CDH4: variants seen among roughly 807,000 people sequenced by gnomAD.
The protein encoded by CDH4 is cadherin 4, also known as cadherin-4.
A neutral mutation model predicts 86.0 loss-of-function variants in CDH4; 33 were observed. The ratio of observed to expected loss-of-function variants is 0.38; its 90% confidence interval spans 0.29 to 0.51. The LOEUF (loss-of-function observed/expected upper bound fraction) is 0.51, where lower values mean the gene tolerates loss of function less well. Among genes scored for constraint, CDH4 ranks in the 20% least tolerant of loss-of-function variants. CDH4 has a pLI of 0.86. For synonymous variants in CDH4, 555 were observed against 549.4 expected (o/e 1.01, Z -0.14); for missense variants, 1,114 against 1,307.4 (o/e 0.85, Z 2.28).
At chr20:61,679,417 A>G (rs1315713272) in intron 2 of CDH4, among the ~76,000 whole-genome samples, 1 of 152,116 alleles carries the variant, frequency 6.6e-6, no homozygotes, top group South Asian at 2.1e-4. Flanking sequence ...ACTTTCATCA[A>G]GTTCCTGGGG....
chr20:61,524,402 C>T (rs1238440343), intron 2 of CDH4, among the ~76,000 whole-genome samples: 16 of 152,122 alleles, frequency 1.1e-4, no homozygotes, highest in Non-Finnish European at 2.1e-4. Flanking sequence ...GGGCTTGGGT[C>T]ATGATGCATG....
intron 2 of CDH4, among the ~76,000 whole-genome samples, chr20:61,624,921 G>A (rs982836793): frequency 6.6e-6 from 1 of 152,190 alleles, no homozygotes; most frequent in African/African-American, 2.4e-5. Flanking sequence ...CAGCATAGGA[G>A]GCCAGGAAAC....
At chr20:61,639,369 C>A (rs780657833) in intron 2 of CDH4, among the ~76,000 whole-genome samples, 1 of 152,212 alleles carries the variant, frequency 6.6e-6, no homozygotes, top group African/African-American at 2.4e-5. Context: ...CCTCTGCCAG[C>A]AGGGCGGCTC....
At chr20:61,885,546 T>G (rs1241402924) in intron 7 of CDH4, among the ~76,000 whole-genome samples, 1 of 152,238 alleles carries the variant, frequency 6.6e-6, no homozygotes, top group Non-Finnish European at 1.5e-5. Flanking sequence ...CAATGGACCC[T>G]TGGCTGTTCG....
At chr20:61,823,346 CGTT>C (rs1025558044) in intron 4 of CDH4, among the ~76,000 whole-genome samples, 2 of 3,392 alleles carry the variant, frequency 5.9e-4, no homozygotes, top group African/African-American at 1.3e-3. Context: ...GTGGTGATGG[CGTT>C]GGTGGTGATT....
chr20:61,336,194 A>G (rs2084616071), intron 2 of CDH4, among the ~76,000 whole-genome samples: 1 of 152,140 alleles, frequency 6.6e-6, no homozygotes, highest in South Asian at 2.1e-4. Context: ...AAACAGACCC[A>G]CTTGGCTGCT....
At chr20:61,291,242 T>C (rs1003326062) in intron 2 of CDH4, among the ~76,000 whole-genome samples, 3 of 152,192 alleles carry the variant, frequency 2.0e-5, no homozygotes, top group Non-Finnish European at 4.4e-5. Context: ...CCAGAAGCTG[T>C]GAGTGTCTTT....
rs2085772292 is a variant in CDH4, at chr20:61,510,566, G to A, written c.170-232997G>A. Among the ~76,000 whole-genome samples, 1 of 152,208 alleles carries A rather than the reference G, an allele frequency of 6.6e-6. No homozygotes were observed. Among genetic ancestry groups the A allele is most frequent in the Non-Finnish European group, 1.5e-5 (1 of 68,034 alleles). On this transcript the variant is annotated intron_variant, in intron 2 of 15. Coordinates refer to ENST00000614565, the MANE Select transcript of CDH4 (RefSeq NM_001794.5). The surrounding 1 kb of genome is among the most constrained non-coding windows in gnomAD (Gnocchi z 4.2). ...CCCAGGAATGGCCCACGGGTGTCGG[G>A]GGTGATGACCGACCTCAGGACTAGG...
rs2055248737 is a variant in CDH4 at position 61,940,321 on chromosome 20, T to G, written c.*3378T>G. On this transcript the variant is annotated 3_prime_UTR_variant, in exon 16 of 16. Transcript: ENST00000614565. ...GTAGCAGCCTGCATGAGCACAGTTG[T>G]TTTGGGGAAAGATACTGGAGTATGA... The G allele has an allele frequency of 6.6e-6, 1 of 152,180 alleles. No homozygotes were observed. Among genetic ancestry groups the G allele is most frequent in the Admixed American group, 6.5e-5 (1 of 15,282 alleles). The allele number at this position is 152,180 out of a possible 1,614,324, so 9.4% of individuals were successfully genotyped here.
chr20:61,773,214 G>A (rs756889220), intron 4 of CDH4, 32 bp downstream of exon 4: 2 of 1,497,780 alleles, frequency 1.3e-6, no homozygotes, highest in African/African-American at 2.8e-5. Flanking sequence ...GGGCACGGGG[G>A]TCTCGGCGTT....
chr20:61,763,459 G>C (rs566881967), intron 3 of CDH4, among the ~76,000 whole-genome samples: 1 of 152,190 alleles, frequency 6.6e-6, no homozygotes, highest in Non-Finnish European at 1.5e-5. Flanking sequence ...CAATGGCTAC[G>C]GCACTGCGGA....
chr20:61,618,906 C>T (rs1454577195), intron 2 of CDH4, among the ~76,000 whole-genome samples: 1 of 152,184 alleles, frequency 6.6e-6, no homozygotes, highest in African/African-American at 2.4e-5. Context: ...CCAAGAAGAG[C>T]GTGCAGGCTG....
intron 4 of CDH4, among the ~76,000 whole-genome samples, chr20:61,838,289 G>A (rs1261994222): frequency 6.6e-6 from 1 of 152,138 alleles, no homozygotes; most frequent in Non-Finnish European, 1.5e-5. Context: ...CCAGGGCCTA[G>A]AGAAGGGTGT....
intron 2 of CDH4, among the ~76,000 whole-genome samples, chr20:61,362,633 C>T (rs929492258): frequency 1.4e-4 from 21 of 151,888 alleles, no homozygotes; most frequent in South Asian, 6.2e-4. Context: ...TGAGATTCAG[C>T]GGGTCAGGAT....
chr20:61,882,429 C>A (rs575338340), intron 7 of CDH4, among the ~76,000 whole-genome samples: 1 of 152,246 alleles, frequency 6.6e-6, no homozygotes, highest in Middle Eastern at 3.2e-3. Context: ...TGTTTTAACT[C>A]GGTCAACATC....
chr20:61,387,390 A>G (rs1046517558), intron 2 of CDH4, among the ~76,000 whole-genome samples: 2 of 151,906 alleles, frequency 1.3e-5, no homozygotes, highest in African/African-American at 4.8e-5. Flanking sequence ...AAACATACAC[A>G]TACATATACA....
chr20:61,775,745 C>G (rs564886498), intron 4 of CDH4, among the ~76,000 whole-genome samples: 1 of 152,302 alleles, frequency 6.6e-6, no homozygotes, highest in Admixed American at 6.5e-5. Flanking sequence ...TGCTTGCACA[C>G]CACAGAGTGG....
intron 2 of CDH4, among the ~76,000 whole-genome samples, chr20:61,631,576 A>G (rs2086889066): frequency 6.6e-6 from 1 of 152,186 alleles, no homozygotes; most frequent in Admixed American, 6.5e-5. Flanking sequence ...CCTCGGGGGC[A>G]GAGGTTGCAG....
At chr20:61,655,843 C>G (rs1045844274) in intron 2 of CDH4, among the ~76,000 whole-genome samples, 1 of 152,186 alleles carries the variant, frequency 6.6e-6, no homozygotes, top group African/African-American at 2.4e-5. Context: ...TGCATGCAGT[C>G]GGTGAACGGC....
Sources: allele counts gnomAD v4.1 joint callset (sites outside exome capture counted in the v4.1 genomes callset), GRCh38; gene constraint gnomAD v4.1.1; non-coding constraint Gnocchi (gnomAD v3.1); transcripts MANE v1.5; gene names NCBI Gene and HGNC (gene_info 2026-07-23, HGNC 2026-07-21).